The following C12orf75 variants were observed in gnomAD, a reference collection of about 807,000 sequenced individuals.
C12orf75 encodes chromosome 12 open reading frame 75.
A neutral mutation model predicts 11.4 loss-of-function variants in C12orf75; 4 were observed. The ratio of observed to expected loss-of-function variants is 0.35; its 90% confidence interval spans 0.17 to 0.80. C12orf75 has a LOEUF of 0.80. Ranked by LOEUF, C12orf75 falls within the 30% of genes least tolerant of loss-of-function variation. The pLI is 0.52. For missense variants in C12orf75, 89 were observed against 80.4 expected (o/e 1.11, Z -0.41); for synonymous variants, 30 against 30.0 (o/e 1.00, Z 0.00).
At chr12:105,352,999 A>C (rs1431604738) in intron 2 of C12orf75, among the ~76,000 whole-genome samples, 1 of 152,246 alleles carries the variant, frequency 6.6e-6, no homozygotes, top group African/African-American at 2.4e-5. Flanking sequence ...CGCTTTCACA[A>C]ACCTGCCAAC....
At position 105,366,696 on chromosome 12, in the gene C12orf75, A is replaced by C; in HGVS notation, c.187A>C (p.Asn63His). The change falls in exon 4 of 6, where the codon AAT becomes CAT. Residue 63 changes from asparagine to histidine, a missense_variant and splice_region_variant. Coordinates refer to ENST00000443585, the MANE Select transcript of C12orf75 (RefSeq NM_001145199.2). ...VSSQTKTVRK[N>H] ...CAGTCAAACAAAGACGGTTCGGAAA[A>C]GTAAGTGAAATCATGTGCTGTTGAT... 6.7e-7 allele frequency: 1 copy of C among 1,501,968 alleles called. No homozygotes were observed. The highest frequency in any genetic ancestry group is 9.1e-7 in the Non-Finnish European group (1 of 1,102,520). The allele number at this position is 1,501,968 out of a possible 1,614,324, so 93.0% of individuals were successfully genotyped here.
chr12:105,336,676 GA>G (rs1026001064), intron 1 of C12orf75, among the ~76,000 whole-genome samples: 2 of 152,196 alleles, frequency 1.3e-5, no homozygotes, highest in African/African-American at 4.8e-5. Context: ...CAGATACGTG[GA>G]AGACAGTTGA....
At chr12:105,347,064 G>GT (rs1459661416) in intron 1 of C12orf75, among the ~76,000 whole-genome samples, 10 of 152,210 alleles carry the variant, frequency 6.6e-5, no homozygotes, top group African/African-American at 2.2e-4. Flanking sequence ...GGGAGGTGAG[G>GT]TTTTAAGAGG....
chr12:105,352,513 A>G (rs1283858647), intron 2 of C12orf75, among the ~76,000 whole-genome samples: 1 of 152,248 alleles, frequency 6.6e-6, no homozygotes, highest in African/African-American at 2.4e-5. Flanking sequence ...AGAGACAATC[A>G]TTATGAACAT....
intron 1 of C12orf75, among the ~76,000 whole-genome samples, chr12:105,347,039 C>T (rs1247278922): frequency 6.6e-6 from 1 of 152,020 alleles, no homozygotes; most frequent in South Asian, 2.1e-4. Context: ...TACCTTTTAC[C>T]CTCATTTGAC....
intron 1 of C12orf75, among the ~76,000 whole-genome samples, chr12:105,332,746 A>G (rs939179044): frequency 6.9e-6 from 1 of 145,562 alleles, no homozygotes; most frequent in Non-Finnish European, 1.5e-5. Flanking sequence ...AAAAAAAAAA[A>G]AAAAGAAAAG....
chr12:105,347,968 A>G (rs1332173648), intron 1 of C12orf75, among the ~76,000 whole-genome samples: 1 of 152,254 alleles, frequency 6.6e-6, no homozygotes, highest in African/African-American at 2.4e-5. Context: ...GAAGTCTACC[A>G]GTTTTAAAAT....
intron 2 of C12orf75, among the ~76,000 whole-genome samples, chr12:105,356,923 A>T (rs1053365893): frequency 1.3e-5 from 2 of 152,224 alleles, no homozygotes; most frequent in African/African-American, 4.8e-5. Flanking sequence ...TGTAAGGTTG[A>T]GGTGTTCCAT....
intron 4 of C12orf75, 88 bp downstream of exon 4, chr12:105,366,784 C>T (rs1871484620): frequency 2.5e-5 from 20 of 800,724 alleles, no homozygotes; most frequent in South Asian, 2.5e-4. Flanking sequence ...TCAGCTTACT[C>T]GACTCAACCT....
At chr12:105,341,867 C>T (rs536374058) in intron 1 of C12orf75, among the ~76,000 whole-genome samples, 13 of 152,264 alleles carry the variant, frequency 8.5e-5, no homozygotes, top group East Asian at 7.7e-4. Context: ...ATACTGTTGT[C>T]GTGGTAGTGA....
At chr12:105,364,642 T>G (rs1029450224) in intron 2 of C12orf75, among the ~76,000 whole-genome samples, 1 of 152,176 alleles carries the variant, frequency 6.6e-6, no homozygotes, top group Non-Finnish European at 1.5e-5. Context: ...GACATTTAGA[T>G]GTTTGCAGTC....
chr12:105,333,525 G>C (rs374292175), intron 1 of C12orf75, among the ~76,000 whole-genome samples: 14 of 149,716 alleles, frequency 9.4e-5, no homozygotes, highest in African/African-American at 3.4e-4. Context: ...AAACTTTTCA[G>C]AAAAAAAAAA....
chr12:105,359,207 A>C (rs1398449222), intron 2 of C12orf75, among the ~76,000 whole-genome samples: 3 of 152,220 alleles, frequency 2.0e-5, no homozygotes, highest in Non-Finnish European at 2.9e-5. Flanking sequence ...GTGGGAGGCA[A>C]ACTGGTAGAA....
intron 1 of C12orf75, among the ~76,000 whole-genome samples, chr12:105,333,479 A>G (rs556282992): frequency 7.2e-5 from 11 of 152,240 alleles, no homozygotes; most frequent in South Asian, 4.1e-4. Context: ...ACTACTTCCA[A>G]TATGTCCCAG....
At chr12:105,356,804 A>G (rs1439802823) in intron 2 of C12orf75, among the ~76,000 whole-genome samples, 1 of 152,232 alleles carries the variant, frequency 6.6e-6, no homozygotes, top group Non-Finnish European at 1.5e-5. Flanking sequence ...ACTACCATAT[A>G]TTACTGAGGA....
chr12:105,350,595 A>T (rs1892699858), intron 2 of C12orf75, among the ~76,000 whole-genome samples: 2 of 152,216 alleles, frequency 1.3e-5, no homozygotes, highest in African/African-American at 4.8e-5. Flanking sequence ...CTTTCTCCTC[A>T]GAACCTTCAC....
chr12:105,363,268 C>CA (rs1892898932), intron 2 of C12orf75, among the ~76,000 whole-genome samples: 1 of 152,226 alleles, frequency 6.6e-6, no homozygotes, highest in African/African-American at 2.4e-5. Flanking sequence ...CTGTGCCTGA[C>CA]ACACAGGAGA....
Position 105,330,809 on chromosome 12 carries a change from G to A in C12orf75, c.-83G>A. 8.3e-7 allele frequency: 1 copy of A among 1,211,046 alleles called. No homozygotes were observed. The highest frequency in any genetic ancestry group is 1.0e-6 in the Non-Finnish European group (1 of 973,380). The allele number at this position is 1,211,046 out of a possible 1,614,324, so 75.0% of individuals were successfully genotyped here. A position where few individuals can be genotyped will look rare whatever the true frequency, so the allele number is the denominator to read the frequency against. On this transcript the variant is annotated 5_prime_UTR_variant, in exon 1 of 6. It adds an upstream start codon to the 5' untranslated region. Transcript: ENST00000443585. ...CGGCCCCGTCAGCCTCCCGCTCGGG[G>A]TGCGCCGCCCTTCGTCTGGGTCTCC... is the stretch of plus-strand genomic sequence containing the variant.
At chr12:105,336,419 C>G (rs1056456534) in intron 1 of C12orf75, among the ~76,000 whole-genome samples, 1 of 152,156 alleles carries the variant, frequency 6.6e-6, no homozygotes, top group Non-Finnish European at 1.5e-5. Context: ...ATAAGAGAGC[C>G]TATTGTAGAT....
Sources: allele counts gnomAD v4.1 joint callset (sites outside exome capture counted in the v4.1 genomes callset), GRCh38; gene constraint gnomAD v4.1.1; transcripts MANE v1.5; gene names NCBI Gene and HGNC (gene_info 2026-07-23, HGNC 2026-07-21).